The following RIMS1 variants were observed in gnomAD, a reference collection of about 807,000 sequenced individuals.
RIMS1 encodes the protein regulating synaptic membrane exocytosis 1.
In RIMS1, 83 loss-of-function variants were observed where a neutral mutation model predicts 214.1. That is an observed-to-expected ratio of 0.39 (90% confidence interval 0.32 to 0.47). The LOEUF is 0.47. Ranked by LOEUF, RIMS1 falls within the 20% of genes least tolerant of loss-of-function variation. RIMS1 has a pLI of 0.99. For missense variants in RIMS1, 2,050 were observed against 2,161.8 expected (o/e 0.95, Z 1.03); for synonymous variants, 793 against 786.8 (o/e 1.01, Z -0.13).
chr6:72,099,922 T>C, intron 3 of RIMS1, 53 bp from the exon 4 acceptor site: 1 of 1,535,382 alleles, frequency 6.5e-7, no homozygotes, highest in Non-Finnish European at 9.0e-7. Context: ...AATTTTGTTT[T>C]TCTTTTCTTT....
chr6:72,015,185 A>G (rs926013549), intron 2 of RIMS1, among the ~76,000 whole-genome samples: 6 of 152,192 alleles, frequency 3.9e-5, no homozygotes, highest in Admixed American at 3.9e-4. Flanking sequence ...CAATATTTGA[A>G]ATAATTTTTT....
chr6:72,203,250 G>A (rs966450018), intron 6 of RIMS1, among the ~76,000 whole-genome samples: 2 of 152,152 alleles, frequency 1.3e-5, no homozygotes, highest in African/African-American at 4.8e-5. Context: ...GCCTCCCAAA[G>A]TGCTGGGATT....
intron 2 of RIMS1, among the ~76,000 whole-genome samples, chr6:72,016,002 G>A (rs1323279417): frequency 6.6e-6 from 1 of 152,126 alleles, no homozygotes; most frequent in Non-Finnish European, 1.5e-5. Context: ...TTAGTTTACT[G>A]ATTATTTTAT....
chr6:72,139,370 A>G (rs949401095), intron 4 of RIMS1, among the ~76,000 whole-genome samples: 7 of 152,138 alleles, frequency 4.6e-5, no homozygotes, highest in Admixed American at 2.0e-4. Context: ...GTCTGGCCCA[A>G]GGTTTGTGCC....
intron 29 of RIMS1, among the ~76,000 whole-genome samples, chr6:72,338,995 C>T (rs2096947058): frequency 6.6e-6 from 1 of 151,720 alleles, no homozygotes; most frequent in African/African-American, 2.4e-5. Context: ...GGGATAAGAG[C>T]TAGGGATGAA....
chr6:72,256,877 T>C (rs1159826567), intron 16 of RIMS1, among the ~76,000 whole-genome samples: 1 of 152,016 alleles, frequency 6.6e-6, no homozygotes, highest in African/African-American at 2.4e-5. Flanking sequence ...AATTAAAGTA[T>C]TTCAAATTAT....
rs1423822243 is a variant in RIMS1 at position 72,229,401 on chromosome 6, TA to T, written c.1679-4371del. Among the ~76,000 whole-genome samples, 8 of 151,958 alleles carry T rather than the reference TA, an allele frequency of 5.3e-5. No individual in the cohort carries two copies. In the East Asian group the frequency reaches 1.5e-3, roughly 29 times the overall value. ...AGTACACATAGATTTATTTATAAAA[TA>T]CACTTTAATATTTTATAGATTGTAT... On this transcript the variant is annotated intron_variant, in intron 6 of 33. Transcript: ENST00000521978.
chr6:72,227,916 G>A (rs1329035928), intron 6 of RIMS1, among the ~76,000 whole-genome samples: 1 of 151,906 alleles, frequency 6.6e-6, no homozygotes, highest in Non-Finnish European at 1.5e-5. Flanking sequence ...TTTTAGGATG[G>A]AAGCAGAGTG....
chr6:72,397,335 T>G (rs1314934555), intron 31 of RIMS1, among the ~76,000 whole-genome samples: 1 of 152,188 alleles, frequency 6.6e-6, no homozygotes, highest in Non-Finnish European at 1.5e-5. Context: ...ATGGGCTACA[T>G]AGTGCTCCTT....
intron 28 of RIMS1, chr6:72,316,981 C>A (rs1422904244): frequency 1.0e-5 from 6 of 575,638 alleles, no homozygotes; most frequent in African/African-American, 9.3e-5. Flanking sequence ...GGTCGAGGGC[C>A]CAGTGGCTCC....
chr6:72,393,165 C>T (rs1342410774), intron 31 of RIMS1, among the ~76,000 whole-genome samples: 1 of 150,362 alleles, frequency 6.7e-6, no homozygotes, highest in Non-Finnish European at 1.5e-5. Context: ...GGAATTCCCT[C>T]ACGCCTACAC....
chr6:72,335,280 C>T (rs913278312), intron 29 of RIMS1, among the ~76,000 whole-genome samples: 1 of 151,958 alleles, frequency 6.6e-6, no homozygotes, highest in Non-Finnish European at 1.5e-5. Flanking sequence ...TTCCCTGTGT[C>T]CATGTGTTCT....
rs752770134 is a variant in RIMS1 at position 72,182,545 on chromosome 6, C to A, written c.1074C>A (p.Asp358Glu). 2 of 1,556,314 alleles carry A rather than the reference C, an allele frequency of 1.3e-6. No homozygotes were observed. The highest frequency in any genetic ancestry group is 1.2e-5 in the South Asian group (1 of 84,646). ...EEDYQTRYRS[D>E]PNLARYPVKP... ...ATTATCAGACCAGGTACCGCAGCGA[C>A]CCGAACCTAGCTCGGTACCCGGTGA... The change falls in exon 6 of 34, where the codon GAC becomes GAA. Residue 358 changes from aspartate to glutamate, a missense_variant. Around this residue, in one of 6 missense-constraint regions of RIMS1, gnomAD observed 882 missense variants for 828.9 expected, o/e 1.06. Transcript: ENST00000521978.
chr6:72,339,738 T>C (rs927135973), intron 29 of RIMS1, among the ~76,000 whole-genome samples: 9 of 152,076 alleles, frequency 5.9e-5, no homozygotes, highest in African/African-American at 2.2e-4. Flanking sequence ...AGTGCCGCAA[T>C]AAACGTACGT....
intron 6 of RIMS1, among the ~76,000 whole-genome samples, chr6:72,210,963 T>C (rs1243457138): frequency 2.0e-5 from 3 of 152,192 alleles, no homozygotes; most frequent in Non-Finnish European, 4.4e-5. Context: ...CAAGGCCGAC[T>C]GTCCCTTGAA....
chr6:72,182,737 G>T lies in RIMS1; in HGVS notation c.1266G>T (p.Pro422=). The change falls in exon 6 of 34, where the codon CCG becomes CCT. Residue 422 remains proline (P), a synonymous_variant. Coordinates refer to ENST00000521978, the MANE Select transcript of RIMS1 (RefSeq NM_014989.7). ...CGGCGGCAGCCAGGGCCTCGCCGCC[G>T]GACTCGCCGCGGGCTTACTCGGCTG... ...RAPAAARASP[P]DSPRAYSAER... The T allele has an allele frequency of 1.9e-6, 3 of 1,538,926 alleles. No homozygotes were observed. Among genetic ancestry groups the T allele is most frequent in the African/African-American group, 1.4e-5 (1 of 72,604 alleles).
chr6:72,130,052 A>G (rs1587738324), intron 4 of RIMS1, among the ~76,000 whole-genome samples: 2 of 152,100 alleles, frequency 1.3e-5, no homozygotes, highest in South Asian at 2.1e-4. Flanking sequence ...TAATAAGTTG[A>G]TTTTAGTTAG....
intron 1 of RIMS1, among the ~76,000 whole-genome samples, chr6:71,944,814 A>G (rs745670451): frequency 1.2e-4 from 18 of 152,194 alleles, no homozygotes; most frequent in Non-Finnish European, 2.6e-4. Flanking sequence ...TTCAGATCAT[A>G]CATTGATATT....
At chr6:72,209,612 T>G (rs776296044) in intron 6 of RIMS1, among the ~76,000 whole-genome samples, 1 of 152,054 alleles carries the variant, frequency 6.6e-6, no homozygotes, top group Non-Finnish European at 1.5e-5. Context: ...GCAAAAGAAA[T>G]AAACACAGGC....
Sources: gnomAD v4.1 joint callset for allele counts (sites outside exome capture counted in the v4.1 genomes callset) on GRCh38, gnomAD v4.1.1 for gene constraint, gnomAD v4.1.1 regional missense constraint, MANE v1.5 for transcripts, NCBI Gene and HGNC (gene_info 2026-07-23, HGNC 2026-07-21) for gene names.